OPRM1: variants seen among roughly 807,000 people sequenced by gnomAD.
OPRM1 encodes opioid receptor mu 1.
In OPRM1, 27 loss-of-function variants were observed where a neutral mutation model predicts 31.8. The ratio of observed to expected loss-of-function variants is 0.85; its 90% CI spans 0.63 to 1.17. The LOEUF (loss-of-function observed/expected upper bound fraction) is 1.17, where lower values mean the gene tolerates loss of function less well. Among genes scored for constraint, OPRM1 ranks in the 50% most tolerant of loss-of-function variants. The pLI is 0.00. For missense variants in OPRM1, 536 were observed against 511.1 expected, an observed-to-expected ratio of 1.05 and a Z score of -0.47; for synonymous variants, 196 against 189.9, an observed-to-expected ratio of 1.03 and a Z score of -0.26.
rs114009481 is a variant in OPRM1, at chr6:154,062,644, T to C, written c.290+22810T>C. 6.0e-3 allele frequency among the ~76,000 whole-genome samples: 916 copies of C among 152,184 alleles called. 7 individuals carry two copies. The highest frequency in any genetic ancestry group is 0.021 in the African/African-American group (873 of 41,558). On this transcript the variant is annotated intron_variant, in intron 1 of 3. Coordinates refer to ENST00000330432, the MANE Select transcript of OPRM1 (RefSeq NM_000914.5). ...AGCATGATTGTTAAATTACAAATAA[T>C]TGTGTAATTCTTGGATGGAAAACAG...
intron 3 of OPRM1, among the ~76,000 whole-genome samples, chr6:154,202,153 C>G (rs974014355): frequency 2.0e-5 from 3 of 152,112 alleles, no homozygotes; most frequent in African/African-American, 4.8e-5. Context: ...GTCAGATAAT[C>G]AATAAATACA....
upstream of OPRM1, among the ~76,000 whole-genome samples, chr6:154,034,988 T>C (rs1016951264): frequency 6.6e-6 from 1 of 152,234 alleles, no homozygotes; most frequent in Non-Finnish European, 1.5e-5. Flanking sequence ...GTATTATTTA[T>C]AATAATTCTT....
In OPRM1 at chr6:154,122,032, G is replaced by A. The variant is rs144159263; in HGVS notation, c.*3311G>A. Among the ~76,000 whole-genome samples the A allele has an allele frequency of 1.7e-3, 259 of 152,204 alleles. 1 individual carries two copies. The highest frequency in any genetic ancestry group is 5.6e-3 in the African/African-American group (233 of 41,520). On this transcript the variant is annotated 3_prime_UTR_variant, in exon 4 of 4. Transcript: ENST00000330432. ...GGCACTAGAAATTTCTCCAGCTTAC[G>A]CCATGAATACTGCAGAAGCTGATAC...
intron 3 of OPRM1, among the ~76,000 whole-genome samples, chr6:154,175,033 C>T (rs1010960466): frequency 2.0e-5 from 3 of 152,198 alleles, no homozygotes; most frequent in Non-Finnish European, 4.4e-5. Flanking sequence ...CCAAACTGCA[C>T]AACTACATGG....
chr6:154,152,347 G>GAAAGAAAGAAAAGAAA, intron 3 of OPRM1, among the ~76,000 whole-genome samples: 3 of 65,132 alleles, frequency 4.6e-5, no homozygotes, highest in African/African-American at 1.1e-4. Flanking sequence ...AAGAAAGAAA[G>GAAAGAAAGAAAAGAAA]GAAAGAAAGA....
At position 154,013,913 on chromosome 6, in the gene OPRM1, G is replaced by A. The variant is rs115200242; in HGVS notation, c.-1+2895G>A. ...TGTCACTTCCAGCTCATTCTATTGG[G>A]GAAAGAAAGTCATATTGTTGATCCT... is the stretch of plus-strand genomic sequence containing the variant. On this transcript the variant is annotated intron_variant, in intron 1 of 5. Transcript: ENST00000434900. Among the ~76,000 whole-genome samples the A allele has an allele frequency of 4.8e-3, 726 of 152,168 alleles. 2 individuals are homozygous for A. Among genetic ancestry groups the A allele is most frequent in the African/African-American group, 0.016 (647 of 41,512 alleles).
At chr6:154,091,520 AT>A in intron 3 of OPRM1, 48 bp downstream of exon 3, 1 of 1,553,192 alleles carries the variant, frequency 6.4e-7, no homozygotes, top group Non-Finnish European at 8.6e-7. Flanking sequence ...TGACATAAAA[AT>A]TATAAGGCTT....
At chr6:154,198,712 A>T (rs1187244688) in intron 3 of OPRM1, among the ~76,000 whole-genome samples, 1 of 152,086 alleles carries the variant, frequency 6.6e-6, no homozygotes, top group Admixed American at 6.6e-5. Flanking sequence ...TGATACCAAA[A>T]ATTAAATTAG....
intron 3 of OPRM1, chr6:154,199,577 T>G: frequency 7.3e-7 from 1 of 1,374,650 alleles, no homozygotes; most frequent in Non-Finnish European, 9.8e-7. Flanking sequence ...CATTCATGAG[T>G]TTAACCATTC....
At chr6:154,072,903 C>A (rs777005285) in intron 1 of OPRM1, among the ~76,000 whole-genome samples, 1 of 152,182 alleles carries the variant, frequency 6.6e-6, no homozygotes, top group Non-Finnish European at 1.5e-5. Flanking sequence ...CGGATACCAG[C>A]CCCTTTAAAA....
At chr6:154,213,807 G>A (rs907566428) in intron 3 of OPRM1, among the ~76,000 whole-genome samples, 1 of 152,108 alleles carries the variant, frequency 6.6e-6, no homozygotes, top group Non-Finnish European at 1.5e-5. Context: ...ACAATCTTAG[G>A]GTAATTAGCC....
intron 1 of OPRM1, among the ~76,000 whole-genome samples, chr6:154,062,396 T>C (rs544166875): frequency 6.6e-6 from 1 of 152,268 alleles, no homozygotes; most frequent in South Asian, 2.1e-4. Flanking sequence ...TCCATATTGA[T>C]TTAATAACCT....
intron 1 of OPRM1, chr6:154,087,323 C>G (rs1230402566): frequency 1.0e-6 from 1 of 985,346 alleles, no homozygotes; most frequent in African/African-American, 1.7e-5. Flanking sequence ...ACACTGAATT[C>G]AGTCCTAAAC....
chr6:154,153,729 A>C (rs368868772), intron 3 of OPRM1, among the ~76,000 whole-genome samples: 1 of 151,390 alleles, frequency 6.6e-6, no homozygotes, highest in South Asian at 2.1e-4. Context: ...GGAGAGAAGG[A>C]AGGCACCAGG....
chr6:154,037,612 G>A (rs980726934), upstream of OPRM1, among the ~76,000 whole-genome samples: 2 of 152,056 alleles, frequency 1.3e-5, no homozygotes, highest in African/African-American at 4.8e-5. Context: ...ACTTGCAAAA[G>A]AGAAAACTCA....
rs1304233202 is a variant in OPRM1 at position 154,107,860 on chromosome 6, C to T, written c.1165-10823C>T. On this transcript the variant is annotated intron_variant, in intron 3 of 3. Transcript: ENST00000330432. The stretch of plus-strand genomic sequence containing the variant: ...TGAAGTATCCCTCAACACAGAAAAA[C>T]GACCTCATAACACAAAATACACCAG... 10 of 698,244 alleles carry T rather than the reference C, an allele frequency of 1.4e-5. No homozygotes were observed. Among genetic ancestry groups the T allele is most frequent in the Non-Finnish European group, 2.4e-5 (9 of 378,742 alleles). 43.3% of individuals were successfully genotyped at this position (698,244 alleles called of 1,614,324 possible).
At chr6:154,228,966 T>C (rs143715230) in intron 3 of OPRM1, among the ~76,000 whole-genome samples, 1 of 152,350 alleles carries the variant, frequency 6.6e-6, no homozygotes, top group East Asian at 1.9e-4. Context: ...CCTGGCCCTA[T>C]AATGCCCTTC....
Position 154,091,352 on chromosome 6 carries a change from C to T in OPRM1, c.1044C>T (p.Cys348=). 6.2e-7 allele frequency: 1 copy of T among 1,614,220 alleles called. No homozygotes were observed. Among genetic ancestry groups the T allele is most frequent in the Non-Finnish European group, 8.5e-7 (1 of 1,180,034 alleles). ...YAFLDENFKR[C]FREFCIPTSS... ...TTCTGGATGAAAACTTCAAACGATG[C>T]TTCAGAGAGTTCTGTATCCCAACCT... The change falls in exon 3 of 4, where the codon TGC becomes TGT. Residue 348 remains cysteine, a synonymous_variant. Coordinates refer to ENST00000330432, the MANE Select transcript of OPRM1 (RefSeq NM_000914.5).
At chr6:154,069,391 G>A (rs570745671) in intron 1 of OPRM1, among the ~76,000 whole-genome samples, 25 of 151,948 alleles carry the variant, frequency 1.6e-4, no homozygotes, top group Admixed American at 4.6e-4. Context: ...GGTGCATGCC[G>A]CCACACCCAG....
Sources: gnomAD v4.1 joint callset for allele counts (sites outside exome capture counted in the v4.1 genomes callset) on GRCh38, gnomAD v4.1.1 for gene constraint, MANE v1.5 for transcripts, NCBI Gene and HGNC (gene_info 2026-07-23, HGNC 2026-07-21) for gene names.